The following DAB1 variants were observed in gnomAD, a reference collection of about 807,000 sequenced individuals.
DAB1 encodes DAB adaptor protein 1, also known as disabled homolog 1.
A neutral mutation model predicts 64.6 loss-of-function variants in DAB1; 15 were observed. The observed-to-expected ratio is 0.23, with a 90% CI of 0.16 to 0.36. The LOEUF is 0.36. Among genes scored for constraint, DAB1 ranks in the 10% least tolerant of loss-of-function variants. The pLI, the probability that DAB1 is intolerant of heterozygous loss-of-function variation, is 1.00. For missense variants in DAB1, 596 were observed against 706.7 expected (o/e 0.84, Z 1.78); for synonymous variants, 235 against 251.9 (o/e 0.93, Z 0.64).
intron 4 of DAB1, among the ~76,000 whole-genome samples, chr1:57,094,838 T>G (rs1001636591): frequency 1.3e-5 from 2 of 151,964 alleles, no homozygotes; most frequent in Non-Finnish European, 2.9e-5. Context: ...GGAGGTAGGG[T>G]TCTGTGGGTC....
intron 5 of DAB1, among the ~76,000 whole-genome samples, chr1:57,891,244 A>G (rs1452094878): frequency 1.3e-5 from 2 of 152,242 alleles, no homozygotes; most frequent in East Asian, 3.8e-4. Flanking sequence ...TATGCGGCCA[A>G]CAAACATGAA....
chr1:57,961,053 T>C (rs796649248), intron 5 of DAB1, among the ~76,000 whole-genome samples: 10 of 152,254 alleles, frequency 6.6e-5, no homozygotes, highest in African/African-American at 2.2e-4. Flanking sequence ...ATTTGAAAAA[T>C]TGAGATAATA....
chr1:58,391,065 C>A lies in DAB1; in HGVS notation n.258-47662G>T, dbSNP rs146290307. On this transcript the variant is annotated intron_variant and non_coding_transcript_variant, in intron 3 of 20. Transcript: ENST00000485760. ...ATATATCAGCCAGGAAAACTAAATC[C>A]ACTCGAGTATTTCAAGCAGAGGAAA... 2.2e-3 allele frequency among the ~76,000 whole-genome samples: 337 copies of A among 152,262 alleles called. 2 individuals carry two copies. Among genetic ancestry groups the A allele is most frequent in the African/African-American group, 7.6e-3 (317 of 41,536 alleles).
intron 1 of DAB1, among the ~76,000 whole-genome samples, chr1:57,381,270 C>T (rs1200119220): frequency 6.6e-6 from 1 of 152,094 alleles, no homozygotes; most frequent in Non-Finnish European, 1.5e-5. Context: ...GATAATAGAA[C>T]AAATGGATAT....
intron 4 of DAB1, among the ~76,000 whole-genome samples, chr1:57,073,003 T>G (rs1167569744): frequency 6.6e-6 from 1 of 152,228 alleles, no homozygotes; most frequent in African/African-American, 2.4e-5. Context: ...TAGATCTCTC[T>G]GCCTGCAACA....
intron 4 of DAB1, among the ~76,000 whole-genome samples, chr1:58,314,576 A>C (rs929504864): frequency 1.2e-4 from 18 of 152,150 alleles, no homozygotes; most frequent in African/African-American, 4.3e-4. Flanking sequence ...CCATTGCCTC[A>C]TCTCACTGGA....
intron 1 of DAB1, among the ~76,000 whole-genome samples, chr1:57,367,098 TAAAATAAAATAAA>T (rs1680099175): frequency 9.7e-6 from 1 of 103,038 alleles, no homozygotes; most frequent in African/African-American, 4.0e-5. Context: ...TAAAATAAAA[TAAAATAAAATAAA>T]ATAAAATAAA....
chr1:57,799,822 T>G (rs1651042286), intron 6 of DAB1, among the ~76,000 whole-genome samples: 2 of 152,228 alleles, frequency 1.3e-5, no homozygotes, highest in African/African-American at 4.8e-5. Context: ...CAAACTTTAT[T>G]GGAACACAGC....
At position 58,264,923 on chromosome 1, in the gene DAB1, T is replaced by C. The variant is rs182450561; in HGVS notation, n.309+78429A>G. ...ATTGTCATCTATATTTTCTTTGCTATGATTTGCACGGTCCTAGAAGAAAGG... is the reference window on the plus strand; with the variant it reads ...ATTGTCATCTATATTTTCTTTGCTACGATTTGCACGGTCCTAGAAGAAAGG... On this transcript the variant is annotated intron_variant and non_coding_transcript_variant, in intron 4 of 20. Coordinates refer to the DAB1 transcript ENST00000485760. Among the ~76,000 whole-genome samples the C allele has an allele frequency of 1.1e-3, 172 of 152,354 alleles. 1 individual carries two copies. The highest frequency in any genetic ancestry group is 3.9e-3 in the African/African-American group (162 of 41,570).
intron 7 of DAB1, among the ~76,000 whole-genome samples, chr1:57,527,888 A>T (rs1644612724): frequency 6.6e-6 from 1 of 152,158 alleles, no homozygotes; most frequent in Non-Finnish European, 1.5e-5. Context: ...TGCCATTTCT[A>T]TCAAGTAGTT....
chr1:57,419,220 T>C (rs1310359839), intron 1 of DAB1, among the ~76,000 whole-genome samples: 1 of 152,172 alleles, frequency 6.6e-6, no homozygotes, highest in African/African-American at 2.4e-5. Flanking sequence ...GACAATCTGG[T>C]CTAGTGAAAG....
chr1:57,918,676 T>G (rs1287897569), intron 5 of DAB1, among the ~76,000 whole-genome samples: 2 of 152,126 alleles, frequency 1.3e-5, no homozygotes, highest in East Asian at 3.9e-4. Flanking sequence ...TACAAAAAAT[T>G]AGCCGGGCAT....
intron 14 of DAB1, among the ~76,000 whole-genome samples, chr1:57,005,948 T>C (rs17416642): frequency 0.033 from 4,975 of 152,340 alleles, 81 homozygotes; most frequent in South Asian, 0.038. Flanking sequence ...CCTTCTGCAG[T>C]GGTTCTAGAA....
At chr1:57,253,409 T>C (rs1199626750) in intron 2 of DAB1, among the ~76,000 whole-genome samples, 2 of 152,166 alleles carry the variant, frequency 1.3e-5, no homozygotes, top group East Asian at 1.9e-4. Flanking sequence ...TGTGTCTGAT[T>C]TGCAGTTGGC....
intron 1 of DAB1, among the ~76,000 whole-genome samples, chr1:57,364,661 A>G (rs1679825311): frequency 6.6e-6 from 1 of 152,062 alleles, no homozygotes; most frequent in Non-Finnish European, 1.5e-5. Flanking sequence ...ATCCTCTATT[A>G]CTAGATTAGA....
At chr1:57,786,969 T>C (rs375284927) in intron 6 of DAB1, among the ~76,000 whole-genome samples, 1 of 151,960 alleles carries the variant, frequency 6.6e-6, no homozygotes, top group African/African-American at 2.4e-5. Flanking sequence ...ACGATGCAAA[T>C]TTTTATGCTG....
Position 57,072,462 on chromosome 1 carries a change from C to A in DAB1, c.307-48G>T, listed in dbSNP as rs775875268. The A allele has an allele frequency of 6.3e-6, 10 of 1,597,102 alleles. 1 individual carries two copies. The Admixed American group carries it at 1.4e-4, about 22-fold the overall frequency. On this transcript the variant is annotated intron_variant, in intron 4 of 14. Transcript: ENST00000371236. The stretch of plus-strand genomic sequence containing the variant: ...AACATATTTCAGGGGACTTTCCCTT[C>A]GAGCTGTTGATCAATAAGAAATGTG...
chr1:57,435,193 C>A (rs1685653259), intron 7 of DAB1, among the ~76,000 whole-genome samples: 1 of 151,716 alleles, frequency 6.6e-6, no homozygotes, highest in Non-Finnish European at 1.5e-5. Flanking sequence ...GGACTACAGG[C>A]ACTTGCCACC....
At chr1:57,593,156 C>T (rs1645465754) in intron 7 of DAB1, among the ~76,000 whole-genome samples, 1 of 152,166 alleles carries the variant, frequency 6.6e-6, no homozygotes, top group South Asian at 2.1e-4. Context: ...ATGTACCATT[C>T]CTCCTTCTCC....
Sources: gnomAD v4.1 joint callset for allele counts (sites outside exome capture counted in the v4.1 genomes callset) on GRCh38, gnomAD v4.1.1 for gene constraint, MANE v1.5 for transcripts, NCBI Gene and HGNC (gene_info 2026-07-23, HGNC 2026-07-21) for gene names.